The following YIPF1 variants were observed in gnomAD, a reference collection of about 807,000 sequenced individuals.
The protein encoded by YIPF1 is Yip1 domain family member 1.
A neutral mutation model predicts 37.0 loss-of-function variants in YIPF1; 22 were observed. That is an observed-to-expected ratio of 0.59 (90% CI 0.42 to 0.85). The LOEUF is 0.85. Ranked by LOEUF, YIPF1 falls within the 40% of genes least tolerant of loss-of-function variation. The probability of loss-of-function intolerance (pLI) is 0.00; values close to 1 mark genes in which losing one functional copy is unlikely to be tolerated. For missense variants in YIPF1, 355 were observed against 373.1 expected, an observed-to-expected ratio of 0.95 and a Z score of 0.40; for synonymous variants, 128 against 131.9, an observed-to-expected ratio of 0.97 and a Z score of 0.21.
intron 10 of YIPF1, among the ~76,000 whole-genome samples, chr1:53,858,431 C>T (rs1366182468): frequency 1.3e-5 from 2 of 152,144 alleles, no homozygotes; most frequent in South Asian, 2.1e-4. Flanking sequence ...AAACTACTGA[C>T]GCACTCTGAG....
At chr1:53,873,737 T>G (rs1264381186) in intron 6 of YIPF1, among the ~76,000 whole-genome samples, 3 of 151,120 alleles carry the variant, frequency 2.0e-5, no homozygotes, top group Non-Finnish European at 4.4e-5. Flanking sequence ...CTCACACCTA[T>G]AATCCCAGCA....
chr1:53,864,892 C>T (rs953164651), intron 9 of YIPF1, among the ~76,000 whole-genome samples: 3 of 152,140 alleles, frequency 2.0e-5, no homozygotes, highest in Non-Finnish European at 4.4e-5. Flanking sequence ...ATTTGCCTCT[C>T]AGAACAATCT....
intron 6 of YIPF1, among the ~76,000 whole-genome samples, chr1:53,877,445 T>C (rs1394941011): frequency 6.6e-6 from 1 of 152,176 alleles, no homozygotes; most frequent in Non-Finnish European, 1.5e-5. Context: ...TGAGATATGA[T>C]CAAGTACACA....
At chr1:53,883,422 A>G (rs1398947028) in intron 3 of YIPF1, 146 bp from the exon 4 acceptor site, 2 of 822,318 alleles carry the variant, frequency 2.4e-6, no homozygotes, top group Non-Finnish European at 1.7e-6. Flanking sequence ...AAAACAAAAA[A>G]TCTCATCAGG....
intron 6 of YIPF1, among the ~76,000 whole-genome samples, chr1:53,871,938 G>A (rs962001791): frequency 6.6e-6 from 1 of 151,748 alleles, no homozygotes; most frequent in Non-Finnish European, 1.5e-5. Context: ...GAAAGAGCAG[G>A]GCAAACAGAA....
chr1:53,864,986 A>G lies in YIPF1; in HGVS notation c.831+1214T>C, dbSNP rs1435011931. 2.0e-5 allele frequency among the ~76,000 whole-genome samples: 3 copies of G among 152,308 alleles called. No individual in the cohort carries two copies. The East Asian group carries it at 5.8e-4, about 29-fold the overall frequency. On this transcript the variant is annotated intron_variant, in intron 9 of 10. Coordinates refer to ENST00000072644, the MANE Select transcript of YIPF1 (RefSeq NM_018982.5). ...TAACATCTCCAAGTTCACACAGCCA[A>G]TGAGTGACAGAGCCGGTCTTCAATC...
chr1:53,882,678 C>T (rs1217552448), intron 4 of YIPF1, among the ~76,000 whole-genome samples: 3 of 152,058 alleles, frequency 2.0e-5, no homozygotes, highest in South Asian at 2.1e-4. Flanking sequence ...AGGCTGGTCT[C>T]GAACTCCTGG....
chr1:53,882,361 C>T (rs977883378), intron 4 of YIPF1, among the ~76,000 whole-genome samples: 1 of 151,978 alleles, frequency 6.6e-6, no homozygotes. Context: ...AAAACATTTT[C>T]ACAATTAAAG....
rs766571443 is a variant in YIPF1, at chr1:53,860,135, G to A, written c.850C>T (p.Pro284Ser). The stretch of plus-strand genomic sequence containing the variant: ...GTTGTTGGGAGATGGTCCATCTCTG[G>A]TGCATCAAAAAAGTATGCCTGTGGG... Reference protein sequence around the residue: ...VGCLAYFFDAPEMDHLPTTTA... With the variant: ...VGCLAYFFDASEMDHLPTTTA... Residue 284 changes from proline to serine, a missense_variant, in exon 10 of 11, where the codon CCA (proline) becomes TCA (serine). By Grantham distance (74) the Pro-to-Ser change is moderately conservative. Coordinates refer to ENST00000072644, the MANE Select transcript of YIPF1 (RefSeq NM_018982.5). 58 of 1,613,920 alleles carry A rather than the reference G, an allele frequency of 3.6e-5. No homozygotes were observed. The highest frequency in any genetic ancestry group is 4.4e-5 in the Non-Finnish European group (52 of 1,179,990).
At chr1:53,853,406 G>A (rs1649644493) in intron 10 of YIPF1, among the ~76,000 whole-genome samples, 1 of 152,340 alleles carries the variant, frequency 6.6e-6, no homozygotes, top group Non-Finnish European at 1.5e-5. Flanking sequence ...AGCTTGGAAT[G>A]TAATGAATTT....
chr1:53,853,144 G>A (rs540616333), intron 10 of YIPF1, among the ~76,000 whole-genome samples: 1 of 152,356 alleles, frequency 6.6e-6, no homozygotes, highest in Admixed American at 6.5e-5. Flanking sequence ...GAGGACCCAT[G>A]TGCCAGGTAC....
Position 53,883,133 on chromosome 1 carries a change from C to G in YIPF1, c.175G>C (p.Asp59His). The G allele has an allele frequency of 6.3e-7, 1 of 1,579,780 alleles. No homozygotes were observed. Among genetic ancestry groups the G allele is most frequent in the Non-Finnish European group, 8.6e-7 (1 of 1,168,544 alleles). The change falls in exon 4 of 11, where the codon GAT (aspartate) becomes CAT (histidine). Residue 59 changes from aspartate to histidine, a missense_variant. By Grantham distance (81) the Asp-to-His change is moderately conservative. Transcript: ENST00000072644. The stretch of plus-strand genomic sequence containing the variant: ...CAAACCTCAGTTTTGTCAGAGTCAT[C>G]ATTTCCCAGTAACTCATCATCTTCT... Reference protein sequence around the residue: ...REEDDELLGNDDSDKTELLAG... With the variant: ...REEDDELLGNHDSDKTELLAG...
intron 4 of YIPF1, among the ~76,000 whole-genome samples, chr1:53,882,211 G>C (rs1650519910): frequency 6.6e-6 from 1 of 152,122 alleles, no homozygotes; most frequent in African/African-American, 2.4e-5. Context: ...AGAGCTAATG[G>C]ATGCTGGGCT....
intron 9 of YIPF1, among the ~76,000 whole-genome samples, chr1:53,865,356 G>A (rs370499069): frequency 6.6e-6 from 1 of 151,846 alleles, no homozygotes; most frequent in Non-Finnish European, 1.5e-5. Context: ...AACCAACCAC[G>A]ATGAAAAATA....
At chr1:53,853,658 T>C (rs1429815518) in intron 10 of YIPF1, among the ~76,000 whole-genome samples, 1 of 152,356 alleles carries the variant, frequency 6.6e-6, no homozygotes, top group African/African-American at 2.4e-5. Flanking sequence ...AAGGGCTAAC[T>C]GCCCAAGTCT....
intron 7 of YIPF1, 92 bp from the exon 8 acceptor site, chr1:53,867,016 C>T: frequency 6.9e-7 from 1 of 1,444,036 alleles, no homozygotes; most frequent in South Asian, 1.4e-5. Context: ...TAAATGCTAA[C>T]ATGTCAATTG....
chr1:53,855,565 G>C (rs535651516), intron 10 of YIPF1, among the ~76,000 whole-genome samples: 19 of 152,278 alleles, frequency 1.2e-4, no homozygotes, highest in African/African-American at 4.3e-4. Flanking sequence ...GTGGTCCCAT[G>C]AGATCACACC....
At chr1:53,861,699 A>AGGGG (rs1649886236) in intron 9 of YIPF1, among the ~76,000 whole-genome samples, 1 of 50,794 alleles carries the variant, frequency 2.0e-5, no homozygotes, top group Non-Finnish European at 3.7e-5. Flanking sequence ...AGAGGGAGGG[A>AGGGG]GGGAGGGAGG....
intron 4 of YIPF1, among the ~76,000 whole-genome samples, chr1:53,882,105 C>G (rs936572170): frequency 6.6e-6 from 1 of 152,170 alleles, no homozygotes; most frequent in Non-Finnish European, 1.5e-5. Flanking sequence ...CAAACTAACA[C>G]AGGAACAGAA....
Sources: gnomAD v4.1 joint callset for allele counts (sites outside exome capture counted in the v4.1 genomes callset) on GRCh38, gnomAD v4.1.1 for gene constraint, MANE v1.5 for transcripts, NCBI Gene and HGNC (gene_info 2026-07-23, HGNC 2026-07-21) for gene names.